The following CPE variants were observed in gnomAD, a reference collection of about 807,000 sequenced individuals.
The protein encoded by CPE is carboxypeptidase E.
CPE carries 17 observed loss-of-function variants against 53.5 expected under a neutral mutation model. The ratio of observed to expected loss-of-function variants is 0.32; its 90% CI spans 0.22 to 0.48. CPE has a LOEUF of 0.48. Ranked by LOEUF, CPE falls within the 20% of genes least tolerant of loss-of-function variation. CPE has a pLI of 0.99. For missense variants in CPE, 524 were observed against 614.7 expected (o/e 0.85, Z 1.56); for synonymous variants, 226 against 228.8 (o/e 0.99, Z 0.11).
intron 3 of CPE, among the ~76,000 whole-genome samples, chr4:165,472,473 T>C (rs1732225671): frequency 6.6e-6 from 1 of 152,236 alleles, no homozygotes; most frequent in Non-Finnish European, 1.5e-5. Context: ...GTTATAATTA[T>C]TACTGACAAT....
chr4:165,486,920 C>T (rs993306072), intron 5 of CPE, among the ~76,000 whole-genome samples: 1 of 152,142 alleles, frequency 6.6e-6, no homozygotes, highest in East Asian at 1.9e-4. Flanking sequence ...TCTCCTAAAA[C>T]AATTGAGACT....
chr4:165,393,880 C>T (rs1156313875), intron 1 of CPE, among the ~76,000 whole-genome samples: 2 of 152,192 alleles, frequency 1.3e-5, no homozygotes, highest in Non-Finnish European at 2.9e-5. Context: ...ATCACTCCAG[C>T]ACACTGTAAG....
At chr4:165,418,888 C>A (rs1045008999) in intron 1 of CPE, among the ~76,000 whole-genome samples, 5 of 151,930 alleles carry the variant, frequency 3.3e-5, no homozygotes, top group African/African-American at 1.2e-4. Flanking sequence ...GAAAACTAAT[C>A]ATTTGGAATA....
chr4:165,450,048 G>A (rs1731782512), intron 1 of CPE, among the ~76,000 whole-genome samples: 1 of 151,950 alleles, frequency 6.6e-6, no homozygotes, highest in South Asian at 2.1e-4. Context: ...AGTTTACTTG[G>A]GACACACATG....
chr4:165,435,535 AG>A (rs1731485445), intron 1 of CPE, among the ~76,000 whole-genome samples: 1 of 152,210 alleles, frequency 6.6e-6, no homozygotes, highest in Non-Finnish European at 1.5e-5. Flanking sequence ...AAAGTAAAAT[AG>A]AATTTTTTCT....
intron 6 of CPE, among the ~76,000 whole-genome samples, chr4:165,492,265 G>C (rs1476025770): frequency 6.6e-6 from 1 of 152,168 alleles, no homozygotes; most frequent in Non-Finnish European, 1.5e-5. Flanking sequence ...AATGTTAATA[G>C]ATTTAATGCA....
At chr4:165,390,158 G>C (rs1239558539) in intron 1 of CPE, among the ~76,000 whole-genome samples, 1 of 152,322 alleles carries the variant, frequency 6.6e-6, no homozygotes, top group Admixed American at 6.5e-5. Context: ...TTGAGGAGAG[G>C]TGGCTATCTT....
intron 3 of CPE, among the ~76,000 whole-genome samples, chr4:165,471,084 G>A (rs1209958925): frequency 2.0e-5 from 3 of 152,168 alleles, no homozygotes; most frequent in African/African-American, 7.2e-5. Context: ...TTAGAAGAAT[G>A]TCAAAATGAA....
intron 1 of CPE, among the ~76,000 whole-genome samples, chr4:165,424,871 A>G (rs944671406): frequency 6.1e-5 from 9 of 147,884 alleles, no homozygotes; most frequent in African/African-American, 2.2e-4. Context: ...TGATTTAAAA[A>G]GTAGAAACTT....
intron 2 of CPE, among the ~76,000 whole-genome samples, chr4:165,465,307 A>G (rs1355767812): frequency 1.3e-5 from 2 of 152,188 alleles, no homozygotes; most frequent in Non-Finnish European, 2.9e-5. Context: ...TCTACAGCTA[A>G]AAAATCCAAT....
chr4:165,452,720 A>T (rs1293361981), intron 1 of CPE, among the ~76,000 whole-genome samples: 1 of 152,130 alleles, frequency 6.6e-6, no homozygotes. Context: ...TCAGCTGTTG[A>T]AATTCCCACC....
In CPE at chr4:165,498,400, G is replaced by A. The variant is rs543566086; in HGVS notation, c.*790G>A. The A allele has an allele frequency of 1.3e-5, 2 of 152,154 alleles. No individual in the cohort carries two copies. The highest frequency in any genetic ancestry group is 6.5e-5 in the Admixed American group (1 of 15,282). The allele number at this position is 152,154 out of a possible 1,614,324, so 9.4% of individuals were successfully genotyped here. A position where few individuals can be genotyped will look rare whatever the true frequency, so the allele number is the denominator to read the frequency against. On this transcript the variant is annotated 3_prime_UTR_variant, in exon 9 of 9. Transcript: ENST00000402744. ...TGAAAACATGTATCCTCTTAATGGC[G>A]GCTTCTCATATATTCATCCTGTACA...
chr4:165,476,951 G>A (rs1732312511), intron 3 of CPE, among the ~76,000 whole-genome samples: 1 of 152,204 alleles, frequency 6.6e-6, no homozygotes, highest in Non-Finnish European at 1.5e-5. Context: ...AAACCACGAG[G>A]GCTGAGACAG....
At chr4:165,467,579 GTAAA>G in intron 2 of CPE, 105 bp from the exon 3 acceptor site, 12 of 1,050,362 alleles carry the variant, frequency 1.1e-5, no homozygotes, top group Non-Finnish European at 1.2e-5. Flanking sequence ...CATTGTTGAA[GTAAA>G]TAATCTTAAT....
At chr4:165,398,114 C>G (rs529459874) in intron 1 of CPE, among the ~76,000 whole-genome samples, 1 of 148,166 alleles carries the variant, frequency 6.7e-6, no homozygotes, top group Admixed American at 6.7e-5. Context: ...TACATTCATA[C>G]TAAATAATTT....
At chr4:165,482,569 G>T (rs543964017) in intron 4 of CPE, among the ~76,000 whole-genome samples, 24 of 152,280 alleles carry the variant, frequency 1.6e-4, no homozygotes, top group African/African-American at 1.7e-4. Context: ...TTTTCAATAG[G>T]TTAGGTGAAG....
chr4:165,469,276 C>T (rs746106140), intron 3 of CPE, among the ~76,000 whole-genome samples: 11 of 152,176 alleles, frequency 7.2e-5, no homozygotes, highest in South Asian at 2.1e-4. Flanking sequence ...TATTCCTTCT[C>T]TATTGTTCTG....
In CPE at chr4:165,442,839, C is replaced by T. The variant is rs116281141; in HGVS notation, c.308-21551C>T. On this transcript the variant is annotated intron_variant, in intron 1 of 8. Transcript: ENST00000402744. The stretch of plus-strand genomic sequence containing the variant: ...ATGCGTTCCTAGTTCTGATTCTGTG[C>T]CATTAAGTCAGAGCACTATGAGAAT... Among the ~76,000 whole-genome samples, 769 of 152,166 alleles carry T rather than the reference C, an allele frequency of 5.1e-3. 7 individuals are homozygous for T. Among genetic ancestry groups the T allele is most frequent in the African/African-American group, 0.017 (721 of 41,510 alleles).
chr4:165,441,053 G>C (rs1287126625), intron 1 of CPE, among the ~76,000 whole-genome samples: 1 of 152,194 alleles, frequency 6.6e-6, no homozygotes, highest in Non-Finnish European at 1.5e-5. Context: ...GAGACGTGCA[G>C]GTGCTGAGTT....
Sources: allele counts gnomAD v4.1 joint callset (sites outside exome capture counted in the v4.1 genomes callset), GRCh38; gene constraint gnomAD v4.1.1; transcripts MANE v1.5; gene names NCBI Gene and HGNC (gene_info 2026-07-23, HGNC 2026-07-21).